TBC1D5: variants seen among roughly 807,000 people sequenced by gnomAD.
The protein encoded by TBC1D5 is TBC1 domain family, member 5.
TBC1D5 carries 75 observed loss-of-function variants against 100.3 expected under a neutral mutation model. The ratio of observed to expected loss-of-function variants is 0.75; its 90% CI spans 0.62 to 0.91. TBC1D5 has a LOEUF of 0.91. TBC1D5 is among the 40% of genes least tolerant of loss of function. The pLI is 0.00. For synonymous variants in TBC1D5, 323 were observed against 325.6 expected (o/e 0.99, Z 0.09); for missense variants, 910 against 942.4 (o/e 0.97, Z 0.45).
At chr3:17,410,268 G>A (rs2093887442) in intron 4 of TBC1D5, among the ~76,000 whole-genome samples, 1 of 152,038 alleles carries the variant, frequency 6.6e-6, no homozygotes, top group South Asian at 2.1e-4. Context: ...AATATTTTAA[G>A]CCCATTTTTG....
intron 3 of TBC1D5, among the ~76,000 whole-genome samples, chr3:17,442,656 T>C (rs910549174): frequency 2.0e-5 from 3 of 152,148 alleles, no homozygotes; most frequent in Non-Finnish European, 4.4e-5. Context: ...AACAAAAGCT[T>C]TGAGAACGGA....
In TBC1D5 at chr3:17,611,220, GTGACTT is replaced by G. The variant is rs1429679646; in HGVS notation, c.-36+12623_-36+12628del. Among the ~76,000 whole-genome samples the G allele has an allele frequency of 7.2e-5, 11 of 152,184 alleles. No homozygotes were observed. In the South Asian group the frequency reaches 2.3e-3, roughly 32 times the overall value. The stretch of plus-strand genomic sequence containing the variant: ...GAGGGATTAGAACTTATATTGTAAA[GTGACTT>G]TGACATCTCAAAGTGAAAATGGATA... On this transcript the variant is annotated intron_variant, in intron 2 of 21. Coordinates refer to ENST00000253692, the Ensembl canonical transcript of TBC1D5.
intron 3 of TBC1D5, among the ~76,000 whole-genome samples, chr3:17,475,312 C>G (rs1453835902): frequency 6.6e-6 from 1 of 152,024 alleles, no homozygotes; most frequent in East Asian, 1.9e-4. Context: ...AAAAGTCTAA[C>G]AGACATCTCA....
intron 13 of TBC1D5, among the ~76,000 whole-genome samples, chr3:17,348,610 T>G (rs2090192609): frequency 1.3e-5 from 2 of 152,204 alleles, no homozygotes; most frequent in South Asian, 4.1e-4. Flanking sequence ...CTTTCCACTT[T>G]AGACTCAATT....
intron 1 of TBC1D5, among the ~76,000 whole-genome samples, chr3:17,700,645 C>G (rs923669092): frequency 9.2e-5 from 14 of 152,044 alleles, no homozygotes; most frequent in Non-Finnish European, 1.6e-4. Context: ...AAAAAACAAA[C>G]AACCCCATCA....
intron 18 of TBC1D5, among the ~76,000 whole-genome samples, chr3:17,190,476 G>A (rs887299681): frequency 6.6e-6 from 1 of 152,192 alleles, no homozygotes; most frequent in East Asian, 1.9e-4. Context: ...GGAAAGTATG[G>A]CACCTAGGCA....
At chr3:17,642,244 G>A (rs74990129) in intron 1 of TBC1D5, among the ~76,000 whole-genome samples, 1 of 152,026 alleles carries the variant, frequency 6.6e-6, no homozygotes, top group East Asian at 1.9e-4. Context: ...ACAGTACTTG[G>A]CACACCTCCA....
intron 4 of TBC1D5, among the ~76,000 whole-genome samples, chr3:17,424,966 T>C (rs2094303349): frequency 6.6e-6 from 1 of 152,338 alleles, no homozygotes; most frequent in East Asian, 1.9e-4. Flanking sequence ...GAAATATATG[T>C]CAGATATTGA....
At chr3:17,526,294 T>A (rs1410676494) in intron 2 of TBC1D5, among the ~76,000 whole-genome samples, 2 of 152,196 alleles carry the variant, frequency 1.3e-5, no homozygotes, top group Non-Finnish European at 2.9e-5. Context: ...CATAGCTCAC[T>A]GCACTCTCCA....
Position 17,617,023 on chromosome 3 carries a change from A to G in TBC1D5, c.-36+6826T>C, listed in dbSNP as rs189172862. 2.0e-5 allele frequency among the ~76,000 whole-genome samples: 3 copies of G among 152,232 alleles called. No individual in the cohort carries two copies. The East Asian group carries it at 5.8e-4, about 29-fold the overall frequency. On this transcript the variant is annotated intron_variant, in intron 2 of 21. Coordinates refer to ENST00000253692, the Ensembl canonical transcript of TBC1D5. ...ATTTGGCATGTTTTTGCAGTTGCTC[A>G]TATCGTTGTTTCTTTCCATGTTTAC...
intron 15 of TBC1D5, among the ~76,000 whole-genome samples, chr3:17,275,692 T>C (rs2079918225): frequency 1.3e-5 from 2 of 152,180 alleles, no homozygotes; most frequent in Non-Finnish European, 2.9e-5. Flanking sequence ...TGAAATAAGA[T>C]GTCAATCAAA....
At chr3:17,508,541 A>G in exon 3 of TBC1D5, 1 of 1,613,646 alleles carries the variant, frequency 6.2e-7, no homozygotes, top group South Asian at 1.1e-5. Context: ...GCTGCAGAGG[A>G]TGTCTAGTTT....
intron 13 of TBC1D5, among the ~76,000 whole-genome samples, chr3:17,362,810 T>C (rs529810737): frequency 2.0e-5 from 3 of 152,280 alleles, no homozygotes; most frequent in South Asian, 2.1e-4. Flanking sequence ...TTTGAGATAA[T>C]TGTACCTTCA....
intron 18 of TBC1D5, among the ~76,000 whole-genome samples, chr3:17,201,936 G>A (rs2071511512): frequency 1.3e-5 from 2 of 152,192 alleles, no homozygotes; most frequent in African/African-American, 2.4e-5. Flanking sequence ...GAGTGTGGCA[G>A]CATTGCTACA....
At chr3:17,564,547 A>C (rs1375741848) in intron 2 of TBC1D5, among the ~76,000 whole-genome samples, 1 of 152,212 alleles carries the variant, frequency 6.6e-6, no homozygotes, top group Non-Finnish European at 1.5e-5. Context: ...TATTTTATGA[A>C]AGAAATAAAT....
At chr3:17,591,265 A>AAAAAAAAAAAACC in intron 2 of TBC1D5, among the ~76,000 whole-genome samples, 1 of 109,142 alleles carries the variant, frequency 9.2e-6, no homozygotes, top group Non-Finnish European at 1.9e-5. Context: ...AAAAAAAAAA[A>AAAAAAAAAAAACC]ACAAAAACCC....
In TBC1D5 at chr3:17,617,468, T is replaced by C. The variant is rs189870072; in HGVS notation, c.-36+6381A>G. Among the ~76,000 whole-genome samples, 146 of 152,364 alleles carry C rather than the reference T, an allele frequency of 9.6e-4. 1 individual carries two copies. The highest frequency in any genetic ancestry group is 3.3e-3 in the African/African-American group (138 of 41,586). ...CCTTGCTAGGTTGGGGAAGTTCTCC[T>C]GGATAATATCCTGAAGACTGTTTTC... On this transcript the variant is annotated intron_variant, in intron 2 of 21. Transcript: ENST00000253692.
At chr3:17,458,885 T>C (rs1048802666) in intron 3 of TBC1D5, among the ~76,000 whole-genome samples, 12 of 152,342 alleles carry the variant, frequency 7.9e-5, no homozygotes, top group African/African-American at 2.9e-4. Context: ...TCAACAATTG[T>C]ACAGCTAAAG....
chr3:17,188,617 T>C (rs548856931), intron 18 of TBC1D5, among the ~76,000 whole-genome samples: 2 of 152,216 alleles, frequency 1.3e-5, no homozygotes, highest in Non-Finnish European at 2.9e-5. Flanking sequence ...ACTTTATAAA[T>C]AGAAATGGAA....
Sources: allele counts gnomAD v4.1 joint callset (sites outside exome capture counted in the v4.1 genomes callset), GRCh38; gene constraint gnomAD v4.1.1; transcripts MANE v1.5; gene names NCBI Gene and HGNC (gene_info 2026-07-23, HGNC 2026-07-21).